The following NELL1 variants were observed in gnomAD, a reference collection of about 807,000 sequenced individuals.
NELL1 encodes the protein neural EGFL like 1.
A neutral mutation model predicts 107.4 loss-of-function variants in NELL1; 76 were observed. The ratio of observed to expected loss-of-function variants is 0.71; its 90% CI spans 0.59 to 0.86. The LOEUF (loss-of-function observed/expected upper bound fraction) is 0.86, where lower values mean the gene tolerates loss of function less well. Among genes scored for constraint, NELL1 ranks in the 40% least tolerant of loss-of-function variants. The pLI is 0.00. For synonymous variants in NELL1, 353 were observed against 341.2 expected (o/e 1.03, Z -0.38); for missense variants, 1,024 against 1,005.5 (o/e 1.02, Z -0.25).
At chr11:21,359,610 C>T (rs1851024982) in intron 14 of NELL1, among the ~76,000 whole-genome samples, 1 of 152,148 alleles carries the variant, frequency 6.6e-6, no homozygotes, top group Non-Finnish European at 1.5e-5. Context: ...TAGAAGTCAG[C>T]TGTGAATCCA....
chr11:21,448,407 A>T (rs2133854623), intron 15 of NELL1, among the ~76,000 whole-genome samples: 1 of 152,190 alleles, frequency 6.6e-6, no homozygotes, highest in South Asian at 2.1e-4. Flanking sequence ...TATATTTTCA[A>T]CTTGCTAACT....
At chr11:21,285,388 G>A (rs921257460) in intron 14 of NELL1, among the ~76,000 whole-genome samples, 5 of 152,248 alleles carry the variant, frequency 3.3e-5, no homozygotes, top group Non-Finnish European at 7.4e-5. Context: ...TCTAGAGGTC[G>A]TTAATGAGTT....
intron 11 of NELL1, among the ~76,000 whole-genome samples, chr11:20,952,122 T>C (rs1184003456): frequency 1.3e-5 from 2 of 152,054 alleles, no homozygotes; most frequent in African/African-American, 4.8e-5. Flanking sequence ...AACAGACCCA[T>C]CATTTGACCC....
intron 13 of NELL1, among the ~76,000 whole-genome samples, chr11:21,188,083 T>C (rs950782514): frequency 1.3e-5 from 2 of 151,830 alleles, no homozygotes; most frequent in African/African-American, 4.9e-5. Context: ...TTAGAACTGA[T>C]TTGGGTTCTG....
At chr11:20,741,938 A>G (rs1436847247) in intron 2 of NELL1, among the ~76,000 whole-genome samples, 2 of 152,190 alleles carry the variant, frequency 1.3e-5, no homozygotes, top group Non-Finnish European at 2.9e-5. Context: ...TTGATAACAC[A>G]TGGATTCTGA....
At chr11:21,444,973 A>G (rs1219476140) in intron 15 of NELL1, among the ~76,000 whole-genome samples, 1 of 152,206 alleles carries the variant, frequency 6.6e-6, no homozygotes. Context: ...AGGTTTACAA[A>G]TAATACCTTA....
chr11:20,906,103 C>T (rs565120705), intron 5 of NELL1, among the ~76,000 whole-genome samples: 47 of 151,986 alleles, frequency 3.1e-4, no homozygotes, highest in Non-Finnish European at 5.9e-4. Context: ...TCATCAGAAA[C>T]CATGGAGACC....
intron 12 of NELL1, among the ~76,000 whole-genome samples, chr11:20,992,260 A>G (rs544226763): frequency 2.3e-3 from 357 of 152,300 alleles, no homozygotes; most frequent in Non-Finnish European, 4.3e-3. Flanking sequence ...TGCTTAATCC[A>G]TGCTTTTAAT....
intron 12 of NELL1, among the ~76,000 whole-genome samples, chr11:21,075,136 T>C (rs1854104261): frequency 6.6e-6 from 1 of 152,158 alleles, no homozygotes; most frequent in Non-Finnish European, 1.5e-5. Context: ...GACTTTCAGA[T>C]TATTTATGAA....
rs148380651 is a variant in NELL1 at position 20,964,013 on chromosome 11, C to A, written c.1300+3453C>A. The stretch of plus-strand genomic sequence containing the variant: ...GTAGAGAAGATAGCTGAACTCCTGG[C>A]CAATCAATAGAAGATAATAAGACCT... On this transcript the variant is annotated intron_variant, in intron 12 of 19. Transcript: ENST00000357134. 6.5e-3 allele frequency among the ~76,000 whole-genome samples: 990 copies of A among 152,190 alleles called. 9 individuals are homozygous for A. Among genetic ancestry groups the A allele is most frequent in the Non-Finnish European group, 0.01 (694 of 67,996 alleles).
At chr11:20,757,679 T>C (rs1044393968) in intron 2 of NELL1, among the ~76,000 whole-genome samples, 1 of 152,204 alleles carries the variant, frequency 6.6e-6, no homozygotes, top group Non-Finnish European at 1.5e-5. Flanking sequence ...TCACCTCTCT[T>C]CTCATCCTTT....
rs185674296 is a variant in NELL1 at position 21,273,090 on chromosome 11, C to T, written c.1549+43636C>T. Among the ~76,000 whole-genome samples, 638 of 151,908 alleles carry T rather than the reference C, an allele frequency of 4.2e-3. 5 individuals are homozygous for T. The highest frequency in any genetic ancestry group is 0.014 in the African/African-American group (590 of 41,490). The stretch of plus-strand genomic sequence containing the variant: ...CGAGTTGAGAGAAGAAGGCTTCAGA[C>T]GATCAAACTACTCCGAGCTACAGGA... On this transcript the variant is annotated intron_variant, in intron 14 of 19. Transcript: ENST00000357134.
chr11:20,931,322 G>A (rs1850613461), intron 9 of NELL1, among the ~76,000 whole-genome samples: 1 of 152,154 alleles, frequency 6.6e-6, no homozygotes, highest in African/African-American at 2.4e-5. Context: ...GTTAAGCAGT[G>A]GGGTGGAGAA....
chr11:20,767,367 C>T (rs969150036), intron 2 of NELL1, among the ~76,000 whole-genome samples: 1 of 152,138 alleles, frequency 6.6e-6, no homozygotes, highest in African/African-American at 2.4e-5. Context: ...CTGATTAGTT[C>T]ATTTTACAGA....
chr11:21,184,083 C>T (rs758363173), intron 13 of NELL1, among the ~76,000 whole-genome samples: 1 of 151,762 alleles, frequency 6.6e-6, no homozygotes, highest in Non-Finnish European at 1.5e-5. Flanking sequence ...CTGGGAACCC[C>T]AAGTTGGCTA....
At chr11:21,154,251 C>T (rs1856182162) in intron 13 of NELL1, among the ~76,000 whole-genome samples, 1 of 152,126 alleles carries the variant, frequency 6.6e-6, no homozygotes. Flanking sequence ...ATTTATAGAT[C>T]TACTGAAATA....
intron 12 of NELL1, among the ~76,000 whole-genome samples, chr11:20,984,571 T>A (rs934409527): frequency 6.6e-6 from 1 of 152,204 alleles, no homozygotes; most frequent in Non-Finnish European, 1.5e-5. Flanking sequence ...GAATAGGTTA[T>A]GTTTCACAAA....
At chr11:21,069,028 C>G (rs1853947494) in intron 12 of NELL1, among the ~76,000 whole-genome samples, 1 of 152,190 alleles carries the variant, frequency 6.6e-6, no homozygotes, top group African/African-American at 2.4e-5. Context: ...CAACCAGACA[C>G]TGCTTTTCAT....
intron 13 of NELL1, among the ~76,000 whole-genome samples, chr11:21,187,285 G>A (rs1856954989): frequency 6.6e-6 from 1 of 151,772 alleles, no homozygotes; most frequent in Non-Finnish European, 1.5e-5. Flanking sequence ...AACATGAACA[G>A]AAGAGAGACA....
Sources: allele counts gnomAD v4.1 joint callset (sites outside exome capture counted in the v4.1 genomes callset), GRCh38; gene constraint gnomAD v4.1.1; transcripts MANE v1.5; gene names NCBI Gene and HGNC (gene_info 2026-07-23, HGNC 2026-07-21).